The following NRXN1 variants were observed in gnomAD, a reference collection of about 807,000 sequenced individuals.
The protein encoded by NRXN1 is neurexin 1.
Under a neutral mutation model 150.9 loss-of-function variants are expected in NRXN1, and 39 were observed. That is an observed-to-expected ratio of 0.26 (90% confidence interval 0.20 to 0.34). NRXN1 has a LOEUF of 0.34. Among genes scored for constraint, NRXN1 ranks in the 10% least tolerant of loss-of-function variants. The pLI is 1.00. For synonymous variants in NRXN1, 924 were observed against 757.0 expected (o/e 1.22, Z -3.62); for missense variants, 1,815 against 1,949.9 (o/e 0.93, Z 1.30).
At chr2:49,977,033 C>G (rs970710036) in intron 21 of NRXN1, among the ~76,000 whole-genome samples, 1 of 152,082 alleles carries the variant, frequency 6.6e-6, no homozygotes, top group African/African-American at 2.4e-5. Context: ...AAAGACAAAA[C>G]AAATTTTCAC....
chr2:50,312,922 T>C (rs1288018093), intron 17 of NRXN1, among the ~76,000 whole-genome samples: 2 of 152,152 alleles, frequency 1.3e-5, no homozygotes, highest in African/African-American at 4.8e-5. Context: ...CACAGAATTC[T>C]GATGGAGTTC....
At chr2:50,619,178 G>A (rs1437922150) in intron 8 of NRXN1, 1 of 152,100 alleles carries the variant, frequency 6.6e-6, no homozygotes, top group East Asian at 1.9e-4. Flanking sequence ...GGCTAACAGT[G>A]AATTCAAAGT....
intron 18 of NRXN1, among the ~76,000 whole-genome samples, chr2:50,098,858 T>TGGCTAG (rs1700626782): frequency 3.4e-5 from 1 of 29,138 alleles, no homozygotes; most frequent in African/African-American, 1.4e-4. Flanking sequence ...TTTTTTTTTT[T>TGGCTAG]TTTTTTTTTT....
At chr2:50,647,998 T>C (rs891720790) in intron 5 of NRXN1, among the ~76,000 whole-genome samples, 5 of 151,962 alleles carry the variant, frequency 3.3e-5, no homozygotes, top group Non-Finnish European at 7.4e-5. Context: ...TTTATTTCCT[T>C]TAAACCTTTG....
intron 5 of NRXN1, among the ~76,000 whole-genome samples, chr2:50,878,713 C>T (rs370702245): frequency 2.6e-5 from 4 of 151,822 alleles, no homozygotes; most frequent in African/African-American, 9.7e-5. Context: ...GCATGGCTGA[C>T]GAGATTGTTC....
chr2:50,946,855 G>C (rs539791426), intron 2 of NRXN1, among the ~76,000 whole-genome samples: 11 of 152,262 alleles, frequency 7.2e-5, no homozygotes, highest in African/African-American at 2.6e-4. Context: ...GGCACTAAAA[G>C]CTATTAAATC....
intron 21 of NRXN1, among the ~76,000 whole-genome samples, chr2:49,959,842 A>C (rs1675606701): frequency 1.3e-5 from 2 of 152,184 alleles, no homozygotes; most frequent in African/African-American, 4.8e-5. Flanking sequence ...TTTCTTAATA[A>C]AGTAGGCAAA....
intron 17 of NRXN1, among the ~76,000 whole-genome samples, chr2:50,375,930 A>T (rs991589010): frequency 1.3e-5 from 2 of 151,928 alleles, no homozygotes; most frequent in Admixed American, 1.3e-4. Context: ...AATAATAAAG[A>T]AATAAGCCAA....
chr2:50,269,583 T>C (rs1028931741), intron 17 of NRXN1, among the ~76,000 whole-genome samples: 3 of 152,186 alleles, frequency 2.0e-5, no homozygotes, highest in African/African-American at 7.2e-5. Context: ...CATGAATATA[T>C]AAACAAACAT....
chr2:50,875,882 C>A (rs1678513726), intron 5 of NRXN1, among the ~76,000 whole-genome samples: 1 of 151,818 alleles, frequency 6.6e-6, no homozygotes. Flanking sequence ...TTTAAAAAGA[C>A]AGTACATTCC....
At chr2:49,969,762 T>C (rs1324873228) in intron 21 of NRXN1, 3 of 152,064 alleles carry the variant, frequency 2.0e-5, no homozygotes, top group Non-Finnish European at 4.4e-5. Context: ...TAGACTGATA[T>C]ACTCCTGTAG....
intron 5 of NRXN1, among the ~76,000 whole-genome samples, chr2:50,655,728 A>G (rs1487434296): frequency 2.6e-5 from 4 of 151,790 alleles, no homozygotes; most frequent in East Asian, 1.9e-4. Context: ...GAAAACTGGG[A>G]CATCATCACT....
chr2:50,968,864 G>A (rs780504476), intron 2 of NRXN1, among the ~76,000 whole-genome samples: 6 of 151,796 alleles, frequency 4.0e-5, no homozygotes, highest in African/African-American at 1.5e-4. Context: ...TCACTTCTTC[G>A]TTCCATGTCG....
intron 21 of NRXN1, among the ~76,000 whole-genome samples, chr2:50,033,236 G>T (rs1172858180): frequency 6.6e-6 from 1 of 152,010 alleles, no homozygotes; most frequent in African/African-American, 2.4e-5. Context: ...ATACTACAGG[G>T]CTACAATAAC....
In NRXN1 at chr2:50,922,656, A is replaced by G. The variant is rs758218412; in HGVS notation, c.820+2T>C. 6.2e-7 allele frequency: 1 copy of G among 1,610,090 alleles called. No homozygotes were observed. The highest frequency in any genetic ancestry group is 8.5e-7 in the Non-Finnish European group (1 of 1,177,940). On this transcript the variant is annotated splice_donor_variant, in intron 4 of 22. Coordinates refer to ENST00000401669, the MANE Select transcript of NRXN1 (RefSeq NM_001330078.2). LOFTEE classifies it high-confidence loss of function. ...AGAGTGGAAAAGGAACAGAGCCCAT[A>G]CCTTGGTCGCCCATCATCAGGTGCG...
chr2:50,876,868 T>A (rs1678672450), intron 5 of NRXN1, among the ~76,000 whole-genome samples: 1 of 151,924 alleles, frequency 6.6e-6, no homozygotes, highest in South Asian at 2.1e-4. Context: ...GGGGTACATA[T>A]GGGAGACAAA....
chr2:50,748,461 C>A (rs1190213101), intron 5 of NRXN1, among the ~76,000 whole-genome samples: 1 of 152,078 alleles, frequency 6.6e-6, no homozygotes, highest in African/African-American at 2.4e-5. Flanking sequence ...ATTATGGTGC[C>A]TGTTAATGTC....
At chr2:50,069,594 C>CATAAAA (rs1695895728) in intron 19 of NRXN1, among the ~76,000 whole-genome samples, 1 of 152,084 alleles carries the variant, frequency 6.6e-6, no homozygotes, top group African/African-American at 2.4e-5. Context: ...CTTATGGTGC[C>CATAAAA]TTGACAATTT....
intron 17 of NRXN1, among the ~76,000 whole-genome samples, chr2:50,445,972 TA>T (rs1231569541): frequency 2.6e-5 from 4 of 152,134 alleles, no homozygotes; most frequent in African/African-American, 9.7e-5. Flanking sequence ...AAATAGACAT[TA>T]AAAAATTCAT....
Sources: gnomAD v4.1 joint callset for allele counts (sites outside exome capture counted in the v4.1 genomes callset) on GRCh38, gnomAD v4.1.1 for gene constraint, MANE v1.5 for transcripts, NCBI Gene and HGNC (gene_info 2026-07-23, HGNC 2026-07-21) for gene names.